The following COL27A1 variants were observed in gnomAD, a reference collection of about 807,000 sequenced individuals.
The protein encoded by COL27A1 is collagen type XXVII alpha 1 chain.
A neutral mutation model predicts 251.3 loss-of-function variants in COL27A1; 106 were observed. The observed-to-expected ratio is 0.42, with a 90% CI of 0.36 to 0.50. The LOEUF (loss-of-function observed/expected upper bound fraction) is 0.50. Ranked by LOEUF, COL27A1 falls within the 20% of genes least tolerant of loss-of-function variation. The probability of loss-of-function intolerance (pLI) is 0.00; values close to 1 mark genes in which losing one functional copy is unlikely to be tolerated. For synonymous variants in COL27A1, 1,000 were observed against 986.3 expected (o/e 1.01, Z -0.26); for missense variants, 2,325 against 2,522.8 (o/e 0.92, Z 1.68).
At chr9:114,167,364 T>C (rs1848957310) in intron 2 of COL27A1, among the ~76,000 whole-genome samples, 1 of 152,202 alleles carries the variant, frequency 6.6e-6, no homozygotes, top group Non-Finnish European at 1.5e-5. Flanking sequence ...ATTTAATAGA[T>C]GGGAAAACTG....
rs1440084009 is a variant in COL27A1, at chr9:114,312,425, A to G, written c.*1730A>G. ...TGTCTTCGTTTACGTCTCTGTCCAC[A>G]TGTCAGTGTATTAAAACCCCAATGG... On this transcript the variant is annotated 3_prime_UTR_variant, in exon 61 of 61. Coordinates refer to ENST00000356083, the MANE Select transcript of COL27A1 (RefSeq NM_032888.4). 1 of 152,060 alleles carries G rather than the reference A, an allele frequency of 6.6e-6. No individual in the cohort carries two copies. Among genetic ancestry groups the G allele is most frequent in the African/African-American group, 2.4e-5 (1 of 41,400 alleles). 9.4% of individuals were successfully genotyped at this position (152,060 alleles called of 1,614,324 possible).
intron 7 of COL27A1, among the ~76,000 whole-genome samples, chr9:114,198,718 T>C (rs1389900038): frequency 6.6e-6 from 1 of 152,146 alleles, no homozygotes; most frequent in African/African-American, 2.4e-5. Context: ...AGAAGGTTTG[T>C]TTCTCTGCCA....
intron 3 of COL27A1, among the ~76,000 whole-genome samples, chr9:114,172,982 G>T (rs953885515): frequency 2.6e-5 from 4 of 152,262 alleles, no homozygotes; most frequent in African/African-American, 9.6e-5. Flanking sequence ...GGCTGTGTCT[G>T]CATGTGCAAA....
intron 1 of COL27A1, among the ~76,000 whole-genome samples, chr9:114,157,638 C>T (rs1848210243): frequency 6.6e-6 from 1 of 152,232 alleles, no homozygotes; most frequent in African/African-American, 2.4e-5. Context: ...TACCCACATG[C>T]CTGGCTTGGC....
At chr9:114,174,677 G>T (rs1414919551) in intron 3 of COL27A1, among the ~76,000 whole-genome samples, 1 of 152,170 alleles carries the variant, frequency 6.6e-6, no homozygotes, top group East Asian at 1.9e-4. Context: ...CAGAATATGG[G>T]TATTACATTC....
At chr9:114,290,000 C>A in intron 45 of COL27A1, 58 bp from the exon 46 acceptor site, 1 of 1,577,624 alleles carries the variant, frequency 6.3e-7, no homozygotes, top group Non-Finnish European at 8.7e-7. Flanking sequence ...CTTCCAGAGC[C>A]CCTAGGGTCC....
At position 114,167,867 on chromosome 9, in the gene COL27A1, C is replaced by G. The variant is rs760243902; in HGVS notation, c.312C>G (p.Leu104=). ...CAGAGCTGGCACTGGTGCTGAGCCT[C>G]TGCTCCCACCGGGTGAACCATGCCT... ...LGTELALVLS[L]CSHRVNHAFL... is the part of the protein sequence containing the mutation. The change falls in exon 3 of 61, where the codon CTC becomes CTG. Residue 104 remains leucine, a synonymous_variant. Coordinates refer to ENST00000356083, the MANE Select transcript of COL27A1 (RefSeq NM_032888.4). The G allele has an allele frequency of 6.2e-7, 1 of 1,613,596 alleles. No homozygotes were observed.
rs780346794 is a variant in COL27A1 at position 114,156,012 on chromosome 9, G to A, written c.62G>A (p.Gly21Glu). 2.3e-6 allele frequency: 3 copies of A among 1,298,312 alleles called. No individual in the cohort carries two copies. Among genetic ancestry groups the A allele is most frequent in the African/African-American group, 3.0e-5 (2 of 66,108 alleles). 80.4% of individuals were successfully genotyped at this position (1,298,312 alleles called of 1,614,324 possible). The stretch of plus-strand genomic sequence containing the variant: ...GCGGCGGCGGCGGCGGCGCGCGGGG[G>A]GTGAGTACGAACTCGGGGACGCCCC... Reference protein sequence around the residue: ...GTAAAAAARGGGFLFSWILVS... With the variant: ...GTAAAAAARGEGFLFSWILVS... The change falls in exon 1 of 61, where the codon GGG (glycine) becomes GAG (glutamate). Residue 21 changes from glycine to glutamate, a missense_variant and splice_region_variant. Gly to Glu is a moderately conservative substitution (Grantham distance 98). This residue lies in a region of COL27A1 where 1,183 missense variants were observed against 1,144.1 expected (regional missense o/e 1.03). Transcript: ENST00000356083.
chr9:114,304,480 G>C (rs527883812), intron 56 of COL27A1, 128 bp from the exon 57 acceptor site: 2 of 778,498 alleles, frequency 2.6e-6, no homozygotes, highest in African/African-American at 3.4e-5. Flanking sequence ...AGGAAGGACC[G>C]AGAGTTCTGC....
intron 1 of COL27A1, among the ~76,000 whole-genome samples, chr9:114,161,813 C>G (rs1290037924): frequency 2.6e-5 from 4 of 152,208 alleles, no homozygotes; most frequent in Non-Finnish European, 5.9e-5. Context: ...CTTTGCCCAT[C>G]TTGGCAAAAG....
At chr9:114,221,768 C>T (rs553347240) in intron 13 of COL27A1, among the ~76,000 whole-genome samples, 5 of 152,308 alleles carry the variant, frequency 3.3e-5, no homozygotes, top group African/African-American at 7.2e-5. Context: ...CAGCACCTCC[C>T]GGCTGAGAAA....
chr9:114,225,414 T>C (rs1241551005), intron 14 of COL27A1, among the ~76,000 whole-genome samples: 2 of 152,182 alleles, frequency 1.3e-5, no homozygotes, highest in East Asian at 3.8e-4. Flanking sequence ...CTTCCTCAGT[T>C]TTTAGATTCT....
At position 114,206,292 on chromosome 9, in the gene COL27A1, G is replaced by A. The variant is rs1829961718; in HGVS notation, c.2264G>A (p.Ser755Asn). 3.1e-6 allele frequency: 5 copies of A among 1,614,146 alleles called. No individual in the cohort carries two copies. Among genetic ancestry groups the A allele is most frequent in the Non-Finnish European group, 4.2e-6 (5 of 1,179,978 alleles). Reference protein sequence around the residue: ...GPVGDPGPKGSRGYIGLPGLF... With the variant: ...GPVGDPGPKGNRGYIGLPGLF... ...GTAGGAGATCCCGGCCCCAAAGGCAGCAGGGTAAGTGGTTCCTGGCCAGTG... is the reference window on the plus strand; with the variant it reads ...GTAGGAGATCCCGGCCCCAAAGGCAACAGGGTAAGTGGTTCCTGGCCAGTG... Residue 755 changes from serine to asparagine, a missense_variant, in exon 10 of 61, where the codon AGC becomes AAC. By Grantham distance (46) the Ser-to-Asn change is conservative (BLOSUM62 1). Coordinates refer to ENST00000356083, the MANE Select transcript of COL27A1 (RefSeq NM_032888.4).
intron 7 of COL27A1, among the ~76,000 whole-genome samples, chr9:114,197,965 C>CT (rs1829274898): frequency 6.6e-6 from 1 of 152,242 alleles, no homozygotes; most frequent in South Asian, 2.1e-4. Context: ...GGCAATGTGC[C>CT]TGGGGCCACC....
At chr9:114,264,247 A>C (rs1449727360) in intron 28 of COL27A1, 108 bp from the exon 29 acceptor site, 10 of 788,408 alleles carry the variant, frequency 1.3e-5, no homozygotes, top group African/African-American at 1.8e-5. Context: ...AGGGGGCCGG[A>C]GCTTGTGCAG....
chr9:114,235,659 G>C lies in COL27A1; in HGVS notation c.2619+7G>C. ...CGGATTCCAAGGAGACAAGGTAATT[G>C]CATGAGATTTTCCCCTCCCCCTGCC... On this transcript the variant is annotated splice_region_variant and intron_variant, in intron 17 of 60. Transcript: ENST00000356083. The C allele has an allele frequency of 1.2e-6, 2 of 1,611,324 alleles. No homozygotes were observed. Among genetic ancestry groups the C allele is most frequent in the Non-Finnish European group, 1.7e-6 (2 of 1,177,578 alleles).
intron 22 of COL27A1, among the ~76,000 whole-genome samples, chr9:114,242,619 A>G (rs564368730): frequency 3.3e-4 from 51 of 152,288 alleles, no homozygotes; most frequent in African/African-American, 1.2e-3. Context: ...TGCCTTCCCA[A>G]AGTCACTTGT....
chr9:114,184,203 G>A (rs550621657), intron 5 of COL27A1, among the ~76,000 whole-genome samples: 3 of 152,348 alleles, frequency 2.0e-5, no homozygotes, highest in South Asian at 2.1e-4. Flanking sequence ...GAGCACCCCC[G>A]TGCTTTGGTT....
chr9:114,179,630 A>T (rs934612893), intron 4 of COL27A1, among the ~76,000 whole-genome samples: 2 of 152,162 alleles, frequency 1.3e-5, no homozygotes, highest in African/African-American at 4.8e-5. Context: ...CTCATTGACC[A>T]CTAAACTCTG....
Sources: allele counts gnomAD v4.1 joint callset (sites outside exome capture counted in the v4.1 genomes callset), GRCh38; gene constraint gnomAD v4.1.1; regional missense constraint gnomAD v4.1.1; transcripts MANE v1.5; gene names NCBI Gene and HGNC (gene_info 2026-07-23, HGNC 2026-07-21).